NFKBID: variants seen among roughly 807,000 people sequenced by gnomAD.
NFKBID encodes the protein NF-kappa-B inhibitor delta.
In NFKBID, 26 loss-of-function variants were observed where a neutral mutation model predicts 53.4. That is an observed-to-expected ratio of 0.49 (90% CI 0.36 to 0.68). NFKBID has a LOEUF of 0.68. Ranked by LOEUF, NFKBID falls within the 30% of genes least tolerant of loss-of-function variation. The probability of loss-of-function intolerance (pLI) is 0.00; values close to 1 mark genes in which losing one functional copy is unlikely to be tolerated. For synonymous variants in NFKBID, 262 were observed against 259.8 expected (o/e 1.01, Z -0.08); for missense variants, 493 against 614.1 (o/e 0.80, Z 2.08).
chr19:35,899,712 C>G (rs1317628587), intron 1 of NFKBID: 1 of 151,586 alleles, frequency 6.6e-6, no homozygotes, highest in African/African-American at 2.4e-5. Flanking sequence ...CTCACCCTTC[C>G]GAGCCTGGGT....
exon 1 of NFKBID, chr19:35,900,471 C>T: frequency 2.4e-6 from 3 of 1,231,864 alleles, no homozygotes; most frequent in Non-Finnish European, 2.0e-6. Flanking sequence ...GGATTGCGGG[C>T]CCCCAGGGCC....
At chr19:35,897,089 G>A (rs1406941665) in intron 4 of NFKBID, 31 bp from the exon 5 acceptor site, 3 of 1,584,978 alleles carry the variant, frequency 1.9e-6, no homozygotes, top group Middle Eastern at 1.7e-4. Flanking sequence ...CATAGAACTG[G>A]GTGTCTGGGG....
At position 35,900,413 on chromosome 19, in the gene NFKBID, G is replaced by T. The variant is rs1056646505; in HGVS notation, c.61+29C>A. ...CCTCAGTCCCTCACTCTCTTAGGGG[G>T]CCGAACGCGTCCTGCCCGCGCCCAT... is the stretch of plus-strand genomic sequence containing the variant. On this transcript the variant is annotated intron_variant, in intron 1 of 11. Coordinates refer to ENST00000641389, the Ensembl canonical transcript of NFKBID. 31 of 1,227,428 alleles carry T rather than the reference G, an allele frequency of 2.5e-5. No homozygotes were observed. The Admixed American group carries it at 8.4e-4, about 33-fold the overall frequency. 76.0% of individuals were successfully genotyped at this position (1,227,428 alleles called of 1,614,324 possible).
intron 1 of NFKBID, 112 bp from the exon 2 acceptor site, chr19:35,898,934 A>C: frequency 1.4e-6 from 1 of 719,368 alleles, no homozygotes; most frequent in Non-Finnish European, 2.3e-6. Flanking sequence ...TCCCGCGCGG[A>C]AAAACTGGCA....
intron 2 of NFKBID, 41 bp downstream of exon 2, chr19:35,898,678 C>T: frequency 1.3e-6 from 2 of 1,513,926 alleles, no homozygotes; most frequent in Non-Finnish European, 1.8e-6. Flanking sequence ...CCCTACGGGA[C>T]AGCACGGGGC....
intron 11 of NFKBID, among the ~76,000 whole-genome samples, chr19:35,889,583 G>T (rs1413827672): frequency 2.0e-5 from 3 of 151,834 alleles, no homozygotes; most frequent in African/African-American, 7.3e-5. Flanking sequence ...AGGGGCAGGG[G>T]GTAGGAGGTC....
At chr19:35,890,110 T>TA in intron 10 of NFKBID, 56 bp from the exon 11 acceptor site, 1 of 1,499,594 alleles carries the variant, frequency 6.7e-7, no homozygotes, top group Non-Finnish European at 9.0e-7. Context: ...CCCAGGCCTC[T>TA]AAACTGCACT....
intron 9 of NFKBID, among the ~76,000 whole-genome samples, chr19:35,891,372 G>C (rs1974750016): frequency 6.6e-6 from 1 of 152,028 alleles, no homozygotes; most frequent in Non-Finnish European, 1.5e-5. Flanking sequence ...AAATGATGAA[G>C]ACAAAACCAA....
rs749599957 is a variant in NFKBID at position 35,896,321 on chromosome 19, G to T, written c.832-52C>A. The T allele has an allele frequency of 6.2e-7, 1 of 1,613,902 alleles. No homozygotes were observed. Among genetic ancestry groups the T allele is most frequent in the Non-Finnish European group, 8.5e-7 (1 of 1,179,830 alleles). ...GGGTAAGGGTATCCCCTGGCCTCCTGGCCCTGGAAGCCAAAATCTGGGCAA... is the reference window on the plus strand; with the variant it reads ...GGGTAAGGGTATCCCCTGGCCTCCTTGCCCTGGAAGCCAAAATCTGGGCAA... On this transcript the variant is annotated intron_variant, in intron 7 of 11. Transcript: ENST00000641389. The surrounding 1 kb of genome is among the most constrained non-coding windows in gnomAD (Gnocchi z 5.7).
At chr19:35,901,338 C>T (rs2146977594), upstream of NFKBID, among the ~76,000 whole-genome samples, 1 of 152,230 alleles carries the variant, frequency 6.6e-6, no homozygotes, top group Non-Finnish European at 1.5e-5. Context: ...GGCTCAATTT[C>T]TCCCTCTCCC....
At chr19:35,898,913 C>G in intron 1 of NFKBID, 91 bp from the exon 2 acceptor site, 2 of 872,812 alleles carry the variant, frequency 2.3e-6, no homozygotes, top group Non-Finnish European at 3.6e-6. Flanking sequence ...GTTTGGGCAC[C>G]CTCCTCGCCC....
At position 35,896,219 on chromosome 19, in the gene NFKBID, C is replaced by T. The variant is rs1461043831; in HGVS notation, c.882G>A (p.Glu294=). The T allele has an allele frequency of 1.2e-6, 2 of 1,614,224 alleles. No homozygotes were observed. The highest frequency in any genetic ancestry group is 1.7e-6 in the Non-Finnish European group (2 of 1,180,018). ...CAGCCCTGCCCACACCCAACTTACC[C>T]TCGAAGTCTCTGGCTTCCAGGTCAA... Residue 294 remains glutamate (E), a splice_region_variant and synonymous_variant, in exon 8 of 12, where the codon GAG becomes GAA. Coordinates refer to ENST00000641389, the Ensembl canonical transcript of NFKBID. This position sits in a 1 kb window ranked among gnomAD's most constrained non-coding sequence, Gnocchi z 5.7.
chr19:35,895,481 C>G (rs1377927673), intron 9 of NFKBID, among the ~76,000 whole-genome samples: 1 of 150,966 alleles, frequency 6.6e-6, no homozygotes, highest in Non-Finnish European at 1.5e-5. Context: ...GAGTGAGACC[C>G]TGTCTCAAAA....
chr19:35,895,046 A>T (rs1264398899), intron 9 of NFKBID, among the ~76,000 whole-genome samples: 1 of 152,148 alleles, frequency 6.6e-6, no homozygotes, highest in Non-Finnish European at 1.5e-5. Flanking sequence ...CCTTTTCAGT[A>T]AAATAGAGAA....
At chr19:35,888,645 G>A in intron 11 of NFKBID, 33 bp from the exon 12 acceptor site, 3 of 1,551,514 alleles carry the variant, frequency 1.9e-6, no homozygotes, top group Non-Finnish European at 2.6e-6. Context: ...AGAGAAGTCT[G>A]TCAGGTTGGA....
intron 9 of NFKBID, among the ~76,000 whole-genome samples, chr19:35,892,995 C>CG (rs1166837498): frequency 6.6e-6 from 1 of 152,052 alleles, no homozygotes; most frequent in Non-Finnish European, 1.5e-5. Context: ...TGAGACCCCC[C>CG]CTCTCTACAA....
rs371672955 is a variant in NFKBID, at chr19:35,898,146, GC to G, written c.227-291del. Among the ~76,000 whole-genome samples, 881 of 152,064 alleles carry G rather than the reference GC, an allele frequency of 5.8e-3. 4 individuals are homozygous for G. The highest frequency in any genetic ancestry group is 0.014 in the Middle Eastern group (4 of 294). ...CTACTGAGTTCCAGCAAGAATGAGG[GC>G]CTACCAGCCTAGGCAACATAGCCAG... is the stretch of plus-strand genomic sequence containing the variant. On this transcript the variant is annotated intron_variant, in intron 3 of 11. Transcript: ENST00000641389.
chr19:35,896,469 C>G lies in NFKBID; in HGVS notation c.754G>C (p.Glu252Gln). 1 of 1,614,182 alleles carries G rather than the reference C, an allele frequency of 6.2e-7. No homozygotes were observed. Among genetic ancestry groups the G allele is most frequent in the Non-Finnish European group, 8.5e-7 (1 of 1,180,026 alleles). ...CCCTGATGGTCAGCGGCATTGGGCT[C>G]TGCTCCCAGGTTCAACAGATCCTCC... The change falls in exon 7 of 12, where the codon GAG (glutamate) becomes CAG (glutamine). Residue 252 changes from glutamate (E) to glutamine (Q), a missense_variant. Physicochemically the swap from Glu to Gln is conservative, Grantham distance 29 (BLOSUM62 2). Around this residue, in one of 2 missense-constraint regions of NFKBID, gnomAD observed 267 missense variants for 384.6 expected, o/e 0.69. Coordinates refer to ENST00000641389, the Ensembl canonical transcript of NFKBID. The surrounding 1 kb of genome is among the most constrained non-coding windows in gnomAD (Gnocchi z 5.7).
At chr19:35,889,988 C>G (rs757198791) in exon 11 of NFKBID, 1 of 1,610,660 alleles carries the variant, frequency 6.2e-7, no homozygotes, top group African/African-American at 1.3e-5. Context: ...AGGTGCCGCA[C>G]GATGGCCTCC....
Sources: gnomAD v4.1 joint callset for allele counts (sites outside exome capture counted in the v4.1 genomes callset) on GRCh38, gnomAD v4.1.1 for gene constraint, gnomAD v4.1.1 regional missense constraint, Gnocchi (gnomAD v3.1) non-coding constraint, MANE v1.5 for transcripts, NCBI Gene and HGNC (gene_info 2026-07-23, HGNC 2026-07-21) for gene names.